AK8: variants seen among roughly 807,000 people sequenced by gnomAD.
AK8 encodes the protein ATP-AMP transphosphorylase 8.
Under a neutral mutation model 54.6 loss-of-function variants are expected in AK8, and 44 were observed. The ratio of observed to expected loss-of-function variants is 0.81; its 90% CI spans 0.63 to 1.04. The LOEUF (loss-of-function observed/expected upper bound fraction) is 1.04. Ranked by LOEUF, AK8 falls within the 50% of genes least tolerant of loss-of-function variation. The pLI, the probability that AK8 is intolerant of heterozygous loss-of-function variation, is 0.00. For missense variants in AK8, 555 were observed against 613.6 expected, an observed-to-expected ratio of 0.90 and a Z score of 1.01; for synonymous variants, 239 against 245.6, an observed-to-expected ratio of 0.97 and a Z score of 0.25.
At chr9:132,766,242 G>C (rs1314163827) in intron 11 of AK8, among the ~76,000 whole-genome samples, 1 of 152,146 alleles carries the variant, frequency 6.6e-6, no homozygotes, top group Non-Finnish European at 1.5e-5. Flanking sequence ...CTCCTGAGTA[G>C]CTGGAACAAC....
At chr9:132,772,347 C>G (rs1356182884) in intron 11 of AK8, among the ~76,000 whole-genome samples, 1 of 152,234 alleles carries the variant, frequency 6.6e-6, no homozygotes, top group African/African-American at 2.4e-5. Context: ...CAGAAGGTGA[C>G]TGTATTTGAA....
chr9:132,856,937 T>C (rs981321416), intron 4 of AK8, among the ~76,000 whole-genome samples: 2 of 152,052 alleles, frequency 1.3e-5, no homozygotes, highest in Non-Finnish European at 2.9e-5. Context: ...ATGTTCACTT[T>C]AAAGTTATGG....
At chr9:132,856,233 G>A (rs982444097) in intron 4 of AK8, among the ~76,000 whole-genome samples, 5 of 152,130 alleles carry the variant, frequency 3.3e-5, no homozygotes, top group Admixed American at 6.5e-5. Context: ...TGCTGGGGGC[G>A]GGGGCCTCCT....
At chr9:132,762,007 C>T (rs182351284) in intron 11 of AK8, among the ~76,000 whole-genome samples, 1 of 152,212 alleles carries the variant, frequency 6.6e-6, no homozygotes, top group East Asian at 1.9e-4. Context: ...GTAGCTGAGA[C>T]TACAGCTGCA....
chr9:132,853,620 A>G lies in AK8; in HGVS notation c.402+1237T>C, dbSNP rs188808745. On this transcript the variant is annotated intron_variant, in intron 5 of 12. Coordinates refer to ENST00000298545, the MANE Select transcript of AK8 (RefSeq NM_152572.3). Reference sequence around the variant, plus strand: ...AGACCAGCCTGAGAAATAGAGGGAGATCCAGTCTACAAAAAATTAGCTGGG... The same window carrying G: ...AGACCAGCCTGAGAAATAGAGGGAGGTCCAGTCTACAAAAAATTAGCTGGG... 2.2e-4 allele frequency among the ~76,000 whole-genome samples: 34 copies of G among 151,162 alleles called. No individual in the cohort carries two copies. In the East Asian group the frequency reaches 6.0e-3, roughly 27 times the overall value.
At chr9:132,827,930 G>A (rs768666079) in intron 7 of AK8, 83 bp downstream of exon 7, 39 of 1,398,942 alleles carry the variant, frequency 2.8e-5, no homozygotes, top group Non-Finnish European at 3.3e-5. Context: ...AGCAGAATGC[G>A]AGGTCAGGAA....
chr9:132,857,452 C>T (rs1843215507), intron 4 of AK8, among the ~76,000 whole-genome samples: 1 of 152,100 alleles, frequency 6.6e-6, no homozygotes, highest in Admixed American at 6.5e-5. Context: ...TCCAGGGGAG[C>T]TTCCCCAGGC....
intron 11 of AK8, among the ~76,000 whole-genome samples, chr9:132,775,382 A>G (rs1012967183): frequency 1.3e-4 from 20 of 152,270 alleles, no homozygotes; most frequent in Middle Eastern, 3.4e-3. Context: ...GGCTCACTGC[A>G]ATTTCCACCT....
intron 11 of AK8, among the ~76,000 whole-genome samples, chr9:132,784,093 A>G (rs1368318040): frequency 6.6e-6 from 1 of 152,230 alleles, no homozygotes; most frequent in Non-Finnish European, 1.5e-5. Flanking sequence ...TGTCCAGAGA[A>G]AAGTAATAAG....
In AK8 at chr9:132,751,397, CA is replaced by C. The variant is rs1364532991; in HGVS notation, c.1122-23864del. Among the ~76,000 whole-genome samples, 156 of 128,594 alleles carry C rather than the reference CA, an allele frequency of 1.2e-3. 1 individual carries two copies. The highest frequency in any genetic ancestry group is 4.3e-3 in the African/African-American group (150 of 34,584). 84.4% of individuals were successfully genotyped at this position (128,594 alleles called of 152,430 possible). A position where few individuals can be genotyped will look rare whatever the true frequency, so the allele number is the denominator to read the frequency against. Reference sequence around the variant, plus strand: ...AGACTCCAAAAAAAAAAAAAAAAAACAAAAAAAACCAACTTCTGGGTTTTGC... The same window carrying C: ...AGACTCCAAAAAAAAAAAAAAAAAACAAAAAAACCAACTTCTGGGTTTTGC... On this transcript the variant is annotated intron_variant, in intron 11 of 12. Transcript: ENST00000298545.
intron 11 of AK8, among the ~76,000 whole-genome samples, chr9:132,747,486 C>T (rs1399963381): frequency 2.2e-5 from 3 of 138,972 alleles, no homozygotes; most frequent in African/African-American, 8.1e-5. Context: ...CTGGTTCTGT[C>T]ACACAGGCTG....
At chr9:132,760,614 G>A (rs1838411159) in intron 11 of AK8, among the ~76,000 whole-genome samples, 1 of 151,994 alleles carries the variant, frequency 6.6e-6, no homozygotes, top group African/African-American at 2.4e-5. Flanking sequence ...GTTTAATAAT[G>A]TTTCATAGAA....
chr9:132,874,705 T>A (rs1335804866), intron 2 of AK8, among the ~76,000 whole-genome samples: 3 of 152,198 alleles, frequency 2.0e-5, no homozygotes. Context: ...GCCCAAGAGC[T>A]TGCCTGTCTA....
intron 2 of AK8, among the ~76,000 whole-genome samples, chr9:132,867,667 G>A (rs1843660484): frequency 6.6e-6 from 1 of 152,208 alleles, no homozygotes; most frequent in East Asian, 1.9e-4. Flanking sequence ...GTGGAAGCTG[G>A]GAAGGCATTT....
intron 11 of AK8, among the ~76,000 whole-genome samples, chr9:132,750,938 C>T (rs979500857): frequency 3.3e-5 from 5 of 152,016 alleles, no homozygotes; most frequent in African/African-American, 4.8e-5. Flanking sequence ...CCCTAACTGC[C>T]TATGGAAAAG....
chr9:132,730,852 C>T (rs759088536), intron 11 of AK8, among the ~76,000 whole-genome samples: 7 of 152,200 alleles, frequency 4.6e-5, no homozygotes, highest in Non-Finnish European at 8.8e-5. Context: ...TGAGCCAAAA[C>T]CTCATGTTTT....
At chr9:132,866,684 G>C (rs754378602) in intron 3 of AK8, among the ~76,000 whole-genome samples, 72 of 152,168 alleles carry the variant, frequency 4.7e-4, no homozygotes, top group Non-Finnish European at 7.6e-4. Context: ...CATGCTAAAG[G>C]AATGCTCATC....
chr9:132,866,498 T>A (rs1447481695), intron 3 of AK8, among the ~76,000 whole-genome samples: 2 of 152,230 alleles, frequency 1.3e-5, no homozygotes, highest in African/African-American at 4.8e-5. Flanking sequence ...CTTTTAAGTA[T>A]TTCACAATTA....
At chr9:132,835,060 C>T (rs955112046) in intron 5 of AK8, among the ~76,000 whole-genome samples, 5 of 152,072 alleles carry the variant, frequency 3.3e-5, no homozygotes, top group Admixed American at 2.6e-4. Context: ...TTAGTAGAGA[C>T]GGGGTTTCCC....
Sources: allele counts gnomAD v4.1 joint callset (sites outside exome capture counted in the v4.1 genomes callset), GRCh38; gene constraint gnomAD v4.1.1; transcripts MANE v1.5; gene names NCBI Gene and HGNC (gene_info 2026-07-23, HGNC 2026-07-21).